The following RPF2 variants were observed in gnomAD, a reference collection of about 807,000 sequenced individuals.
RPF2 encodes the protein ribosome production factor 2 homolog.
A neutral mutation model predicts 38.9 loss-of-function variants in RPF2; 21 were observed. The ratio of observed to expected loss-of-function variants is 0.54; its 90% CI spans 0.38 to 0.78. RPF2 has a LOEUF of 0.78. RPF2 is among the 30% of genes least tolerant of loss of function. RPF2 has a pLI of 0.00. For missense variants in RPF2, 314 were observed against 358.1 expected, an observed-to-expected ratio of 0.88 and a Z score of 0.99; for synonymous variants, 121 against 126.2, an observed-to-expected ratio of 0.96 and a Z score of 0.28.
intron 8 of RPF2, among the ~76,000 whole-genome samples, chr6:111,017,150 A>G (rs1772130669): frequency 6.6e-6 from 1 of 152,170 alleles, no homozygotes; most frequent in East Asian, 1.9e-4. Context: ...TTTCCACTCG[A>G]CAAAACCGCC....
Position 110,997,265 on chromosome 6 carries a change from G to T in RPF2, c.316+1G>T, listed in dbSNP as rs1296557697. 3.2e-6 allele frequency: 5 copies of T among 1,544,166 alleles called. No individual in the cohort carries two copies. The highest frequency in any genetic ancestry group is 2.7e-5 in the African/African-American group (2 of 73,406). On this transcript the variant is annotated splice_donor_variant, in intron 5 of 9. Coordinates refer to ENST00000441448, the MANE Select transcript of RPF2 (RefSeq NM_032194.3). LOFTEE classifies it high-confidence loss of function. Reference sequence around the variant, plus strand: ...AAGCGGCCAAATAATCTAGTAATAGGTAAGTATAATTTACTTTTTAATGTT... The same window carrying T: ...AAGCGGCCAAATAATCTAGTAATAGTTAAGTATAATTTACTTTTTAATGTT...
intron 7 of RPF2, among the ~76,000 whole-genome samples, chr6:111,014,343 C>G (rs541454522): frequency 1.3e-5 from 2 of 151,848 alleles, no homozygotes; most frequent in African/African-American, 2.4e-5. Flanking sequence ...TGTGTTAGCC[C>G]CTATGGTCTT....
At chr6:110,993,027 A>G (rs546848333) in intron 4 of RPF2, among the ~76,000 whole-genome samples, 1 of 152,254 alleles carries the variant, frequency 6.6e-6, no homozygotes, top group East Asian at 1.9e-4. Context: ...CATTGGAATG[A>G]TCTCTGCTCA....
At chr6:111,007,284 G>T (rs1771926055) in intron 6 of RPF2, among the ~76,000 whole-genome samples, 1 of 152,156 alleles carries the variant, frequency 6.6e-6, no homozygotes, top group Non-Finnish European at 1.5e-5. Context: ...TTTTCCTTTT[G>T]CAAGAGTAAC....
chr6:111,014,957 T>C (rs1772081568), intron 7 of RPF2, among the ~76,000 whole-genome samples: 1 of 152,148 alleles, frequency 6.6e-6, no homozygotes. Context: ...TTTATACTTT[T>C]AGTGGAGATG....
chr6:111,014,113 A>C (rs9384783), intron 7 of RPF2, among the ~76,000 whole-genome samples: 20,922 of 150,648 alleles, frequency 0.14, 1,906 homozygotes, highest in East Asian at 0.5. Context: ...GTTTTATACA[A>C]GTTAATGCTG....
chr6:111,014,666 C>G (rs1203107710), intron 7 of RPF2, among the ~76,000 whole-genome samples: 2 of 152,156 alleles, frequency 1.3e-5, no homozygotes, highest in Admixed American at 6.6e-5. Context: ...TTATCTTAGC[C>G]AAATGTTATT....
rs1772344756 is a variant in RPF2 at position 111,027,062 on chromosome 6, G to T, written c.*1480G>T. On this transcript the variant is annotated 3_prime_UTR_variant, in exon 10 of 10. Coordinates refer to ENST00000441448, the MANE Select transcript of RPF2 (RefSeq NM_032194.3). ...CTGGCTGATTTTTTGTAGAGACAGG[G>T]TTTCACTTCAATTCCATGTTAGAGA... 1 of 152,072 alleles carries T rather than the reference G, an allele frequency of 6.6e-6. No homozygotes were observed. Among genetic ancestry groups the T allele is most frequent in the Admixed American group, 6.6e-5 (1 of 15,248 alleles). The allele number at this position is 152,072 out of a possible 1,614,324, so 9.4% of individuals were successfully genotyped here.
At chr6:111,003,121 T>C (rs1771842401) in intron 6 of RPF2, among the ~76,000 whole-genome samples, 1 of 144,334 alleles carries the variant, frequency 6.9e-6, no homozygotes, top group African/African-American at 2.5e-5. Context: ...CTAACACCAG[T>C]GTCACCAATA....
intron 8 of RPF2, among the ~76,000 whole-genome samples, chr6:111,022,557 A>G (rs933759484): frequency 6.6e-6 from 1 of 152,242 alleles, no homozygotes; most frequent in Non-Finnish European, 1.5e-5. Flanking sequence ...ATAGGTAATT[A>G]TACATAGTTA....
chr6:111,001,342 T>G (rs1771808102), intron 6 of RPF2, among the ~76,000 whole-genome samples: 2 of 152,190 alleles, frequency 1.3e-5, no homozygotes, highest in African/African-American at 4.8e-5. Context: ...CTGTGATGCT[T>G]GATTATGGTG....
chr6:111,016,650 G>A (rs1286887820), intron 8 of RPF2, among the ~76,000 whole-genome samples: 4 of 147,424 alleles, frequency 2.7e-5, no homozygotes, highest in Non-Finnish European at 5.9e-5. Context: ...AAGAGTTAAT[G>A]ACATGCTGTA....
At chr6:111,007,391 T>C (rs543955093) in intron 6 of RPF2, among the ~76,000 whole-genome samples, 2 of 152,162 alleles carry the variant, frequency 1.3e-5, no homozygotes, top group Non-Finnish European at 2.9e-5. Context: ...ATGGAACAAA[T>C]AATTTTTTTT....
chr6:111,012,902 T>C (rs978440650), intron 7 of RPF2, among the ~76,000 whole-genome samples: 7 of 152,208 alleles, frequency 4.6e-5, no homozygotes, highest in African/African-American at 1.7e-4. Flanking sequence ...GCTCCTGGCC[T>C]CAGGTGATCC....
chr6:111,001,957 A>G (rs1009849105), intron 6 of RPF2, among the ~76,000 whole-genome samples: 2 of 152,196 alleles, frequency 1.3e-5, no homozygotes, highest in Admixed American at 1.3e-4. Context: ...AAGCCTGGGC[A>G]ACGTAGTGAG....
intron 8 of RPF2, among the ~76,000 whole-genome samples, chr6:111,022,769 G>C (rs972203499): frequency 1.3e-5 from 2 of 152,206 alleles, no homozygotes; most frequent in Non-Finnish European, 2.9e-5. Context: ...GTACTTGGGT[G>C]ATTTGAATCT....
At chr6:111,019,090 C>G (rs924123023) in intron 8 of RPF2, among the ~76,000 whole-genome samples, 1 of 152,046 alleles carries the variant, frequency 6.6e-6, no homozygotes, top group Non-Finnish European at 1.5e-5. Flanking sequence ...TGGCACTGGC[C>G]TCCATGCTAC....
intron 6 of RPF2, among the ~76,000 whole-genome samples, chr6:111,004,833 T>C (rs1409093037): frequency 6.6e-6 from 1 of 152,020 alleles, no homozygotes; most frequent in East Asian, 1.9e-4. Flanking sequence ...CCTCCCAAAG[T>C]GCTGGGATTA....
rs753642775 is a variant in RPF2, at chr6:111,024,220, A to T, written c.634A>T (p.Ile212Phe). The T allele has an allele frequency of 6.2e-7, 1 of 1,609,726 alleles. No individual in the cohort carries two copies. The highest frequency in any genetic ancestry group is 1.1e-5 in the South Asian group (1 of 90,452). ...GAAATCTGGTTGCAGAACACCACGG[A>T]TTGAATTGGAAGAGATGGGACCCTC... ...LKKSGCRTPR[I>F]ELEEMGPSLD... The change falls in exon 9 of 10, where the codon ATT (isoleucine) becomes TTT (phenylalanine). Residue 212 changes from isoleucine to phenylalanine, a missense_variant. Transcript: ENST00000441448.
Sources: gnomAD v4.1 joint callset for allele counts (sites outside exome capture counted in the v4.1 genomes callset) on GRCh38, gnomAD v4.1.1 for gene constraint, MANE v1.5 for transcripts, NCBI Gene and HGNC (gene_info 2026-07-23, HGNC 2026-07-21) for gene names.